The following CGRRF1 variants were observed in gnomAD, a reference collection of about 807,000 sequenced individuals.
CGRRF1 encodes the protein cell growth regulator with RING finger domain protein 1.
CGRRF1 carries 32 observed loss-of-function variants against 37.2 expected under a neutral mutation model. The observed-to-expected ratio is 0.86, with a 90% CI of 0.65 to 1.16. The LOEUF (loss-of-function observed/expected upper bound fraction) is 1.16, where lower values mean the gene tolerates loss of function less well. CGRRF1 is among the 50% of genes most tolerant of loss of function. The probability of loss-of-function intolerance (pLI) is 0.00; values close to 1 mark genes in which losing one functional copy is unlikely to be tolerated. For synonymous variants in CGRRF1, 141 were observed against 140.3 expected (o/e 1.00, Z -0.04); for missense variants, 391 against 382.6 (o/e 1.02, Z -0.18).
intron 1 of CGRRF1, among the ~76,000 whole-genome samples, chr14:54,515,084 T>A (rs946245369): frequency 6.7e-6 from 1 of 148,246 alleles, no homozygotes; most frequent in South Asian, 2.1e-4. Flanking sequence ...ATTGGGTGAG[T>A]TTTTTGTTTT....
At chr14:54,511,359 C>G (rs989617926) in intron 1 of CGRRF1, among the ~76,000 whole-genome samples, 17 of 152,090 alleles carry the variant, frequency 1.1e-4, no homozygotes, top group Admixed American at 1.1e-3. Context: ...CAATCTTACA[C>G]AATTGGTTAT....
chr14:54,533,480 G>A (rs2032552223), intron 4 of CGRRF1, among the ~76,000 whole-genome samples: 1 of 152,064 alleles, frequency 6.6e-6, no homozygotes. Flanking sequence ...TTCTTAGATT[G>A]GGGGTAATAT....
rs1040520955 is a variant in CGRRF1, at chr14:54,510,511, T to C, written c.104+448T>C. ...TTAACAGTTGTGATTCTGACCTGAATGGAGCCCTTAGCCTCAGATCTTTCA... is the reference window on the plus strand; with the variant it reads ...TTAACAGTTGTGATTCTGACCTGAACGGAGCCCTTAGCCTCAGATCTTTCA... On this transcript the variant is annotated intron_variant, in intron 1 of 5. Transcript: ENST00000216420. 2.0e-5 allele frequency among the ~76,000 whole-genome samples: 3 copies of C among 152,230 alleles called. No homozygotes were observed. In the South Asian group the frequency reaches 6.2e-4, roughly 31 times the overall value.
intron 3 of CGRRF1, 190 bp downstream of exon 3, chr14:54,530,416 A>T: frequency 2.8e-6 from 2 of 716,526 alleles, no homozygotes; most frequent in Non-Finnish European, 4.6e-6. Context: ...GTATCCTTTC[A>T]TCTGATATAC....
chr14:54,517,253 C>CTGGATATTTT (rs2032232372), intron 1 of CGRRF1, among the ~76,000 whole-genome samples: 1 of 152,052 alleles, frequency 6.6e-6, no homozygotes, highest in Non-Finnish European at 1.5e-5. Context: ...TTACTAGGTG[C>CTGGATATTTT]TGGATATTTT....
At chr14:54,529,892 A>G (rs917594117) in intron 2 of CGRRF1, among the ~76,000 whole-genome samples, 157 bp from the exon 3 acceptor site, 1 of 152,202 alleles carries the variant, frequency 6.6e-6, no homozygotes, top group Non-Finnish European at 1.5e-5. Flanking sequence ...TACAGAGGCC[A>G]GTTCCTTCGT....
At chr14:54,522,710 A>G (rs1015705853) in intron 2 of CGRRF1, 117 bp downstream of exon 2, 20 of 983,428 alleles carry the variant, frequency 2.0e-5, no homozygotes, top group Non-Finnish European at 3.0e-5. Flanking sequence ...TTTGTTGGGC[A>G]ACTATGTTGT....
intron 4 of CGRRF1, 163 bp downstream of exon 4, chr14:54,531,213 C>T: frequency 1.8e-6 from 1 of 567,216 alleles, no homozygotes. Context: ...ACAGTACCTT[C>T]AGATTATGAC....
intron 1 of CGRRF1, among the ~76,000 whole-genome samples, chr14:54,512,502 G>T (rs2032146371): frequency 6.6e-6 from 1 of 152,164 alleles, no homozygotes; most frequent in African/African-American, 2.4e-5. Flanking sequence ...GCCTCCTCTT[G>T]ACCACAGTTT....
In CGRRF1 at chr14:54,538,353, G is replaced by C. The variant is rs202162974; in HGVS notation, c.969G>C (p.Glu323Asp). The change falls in exon 6 of 6, where the codon GAG becomes GAC. Residue 323 changes from glutamate to aspartate, a missense_variant. Transcript: ENST00000216420. ...CTTTTGCACTTTGCAGTCAAAAAGA[G>C]CAAGATAAAGACAAACCGAAGACTC... ...QESFALCSQKEQDKDKPKTL is the reference protein window; with the variant it reads ...QESFALCSQKDQDKDKPKTL The C allele has an allele frequency of 1.2e-6, 2 of 1,612,136 alleles. No homozygotes were observed. Among genetic ancestry groups the C allele is most frequent in the East Asian group, 4.5e-5 (2 of 44,800 alleles).
intron 1 of CGRRF1, among the ~76,000 whole-genome samples, chr14:54,512,318 C>G (rs1487229847): frequency 2.0e-5 from 3 of 152,200 alleles, no homozygotes; most frequent in African/African-American, 7.2e-5. Flanking sequence ...ATCCCAATAG[C>G]AATAGCAAAG....
intron 4 of CGRRF1, among the ~76,000 whole-genome samples, chr14:54,535,130 G>T (rs1468446298): frequency 6.6e-6 from 1 of 152,070 alleles, no homozygotes; most frequent in Non-Finnish European, 1.5e-5. Context: ...GCTTCAGTGT[G>T]TATTTCCTAA....
chr14:54,513,416 T>G (rs548478706), intron 1 of CGRRF1, among the ~76,000 whole-genome samples: 4 of 152,210 alleles, frequency 2.6e-5, no homozygotes, highest in Non-Finnish European at 5.9e-5. Context: ...TGCTTCTTTG[T>G]TCACTGGAGC....
intron 1 of CGRRF1, among the ~76,000 whole-genome samples, chr14:54,521,660 A>G (rs1195126009): frequency 1.3e-5 from 2 of 151,586 alleles, no homozygotes; most frequent in Non-Finnish European, 2.9e-5. Context: ...CCACGCCACC[A>G]TGCCCAGCTA....
intron 4 of CGRRF1, among the ~76,000 whole-genome samples, chr14:54,533,087 C>G (rs891601109): frequency 2.0e-5 from 3 of 151,734 alleles, no homozygotes; most frequent in African/African-American, 7.3e-5. Context: ...TCTCTAGGTG[C>G]TCAGGGTCTT....
At chr14:54,524,605 C>T (rs1461784941) in intron 2 of CGRRF1, among the ~76,000 whole-genome samples, 1 of 151,896 alleles carries the variant, frequency 6.6e-6, no homozygotes, top group East Asian at 1.9e-4. Context: ...GTTGCCCAGG[C>T]TGGTCTCAAA....
chr14:54,516,885 T>C (rs2032226898), intron 1 of CGRRF1, among the ~76,000 whole-genome samples: 1 of 152,202 alleles, frequency 6.6e-6, no homozygotes, highest in Admixed American at 6.5e-5. Flanking sequence ...CAGTACTTTC[T>C]GTTATGTTGT....
At chr14:54,519,245 C>T (rs1441500259) in intron 1 of CGRRF1, among the ~76,000 whole-genome samples, 1 of 141,360 alleles carries the variant, frequency 7.1e-6, no homozygotes, top group Non-Finnish European at 1.5e-5. Context: ...TGTGCCTGGC[C>T]TTTTTTTTTT....
chr14:54,529,476 C>G (rs1241216887), intron 2 of CGRRF1, among the ~76,000 whole-genome samples: 3 of 152,230 alleles, frequency 2.0e-5, no homozygotes, highest in Non-Finnish European at 2.9e-5. Context: ...AATCCCCACT[C>G]TTTTCCTCAG....
Sources: gnomAD v4.1 joint callset for allele counts (sites outside exome capture counted in the v4.1 genomes callset) on GRCh38, gnomAD v4.1.1 for gene constraint, MANE v1.5 for transcripts, NCBI Gene and HGNC (gene_info 2026-07-23, HGNC 2026-07-21) for gene names.